The following FRMD3 variants were observed in gnomAD, a reference collection of about 807,000 sequenced individuals.
FRMD3 encodes FERM domain-containing protein 3.
A neutral mutation model predicts 70.2 loss-of-function variants in FRMD3; 33 were observed. The observed-to-expected ratio is 0.47, with a 90% CI of 0.36 to 0.63. The LOEUF (loss-of-function observed/expected upper bound fraction) is 0.63, where lower values mean the gene tolerates loss of function less well. Among genes scored for constraint, FRMD3 ranks in the 20% least tolerant of loss-of-function variants. The pLI is 0.00. For missense variants in FRMD3, 632 were observed against 711.4 expected (o/e 0.89, Z 1.27); for synonymous variants, 279 against 255.9 (o/e 1.09, Z -0.86).
intron 1 of FRMD3, among the ~76,000 whole-genome samples, chr9:83,471,912 T>C (rs1828278214): frequency 6.6e-6 from 1 of 152,186 alleles, no homozygotes; most frequent in Non-Finnish European, 1.5e-5. Context: ...ACTATGTAAC[T>C]TTGGGCAAGT....
rs1286011821 is a variant in FRMD3 at position 83,407,865 on chromosome 9, C to CA, written c.148-18158_148-18157insT. On this transcript the variant is annotated intron_variant, in intron 1 of 13. Transcript: ENST00000304195. Reference sequence around the variant, plus strand: ...TCTCTCTCTCTCTCTCTCTCTCTCTCTCTCTCTCATCTTTCTCTCTCTCTC... The same window carrying CA: ...TCTCTCTCTCTCTCTCTCTCTCTCTCATCTCTCTCATCTTTCTCTCTCTCTC... Among the ~76,000 whole-genome samples, 1,005 of 127,874 alleles carry CA rather than the reference C, an allele frequency of 7.9e-3. 18 individuals are homozygous for CA. Among genetic ancestry groups the CA allele is most frequent in the African/African-American group, 0.036 (927 of 25,472 alleles). 83.9% of individuals were successfully genotyped at this position (127,874 alleles called of 152,430 possible).
At chr9:83,329,665 C>T (rs2131120224) in intron 6 of FRMD3, among the ~76,000 whole-genome samples, 1 of 152,290 alleles carries the variant, frequency 6.6e-6, no homozygotes, top group East Asian at 1.9e-4. Flanking sequence ...GTCATTCTTG[C>T]TTCTAGCACA....
intron 13 of FRMD3, among the ~76,000 whole-genome samples, chr9:83,273,196 G>C (rs1244772405): frequency 1.3e-5 from 2 of 152,240 alleles, no homozygotes; most frequent in African/African-American, 2.4e-5. Context: ...AGAAAAGGGG[G>C]AAATGTGGGG....
At chr9:83,451,101 A>G (rs1302322322) in intron 1 of FRMD3, among the ~76,000 whole-genome samples, 3 of 152,158 alleles carry the variant, frequency 2.0e-5, no homozygotes, top group African/African-American at 4.8e-5. Context: ...TTTTTTAGCC[A>G]AGTCAGTGGA....
chr9:83,308,585 T>A (rs1835229947), intron 10 of FRMD3, among the ~76,000 whole-genome samples: 2 of 152,132 alleles, frequency 1.3e-5, no homozygotes, highest in Admixed American at 1.3e-4. Flanking sequence ...ACTAGGTTCT[T>A]AGTTGCATCC....
intron 12 of FRMD3, among the ~76,000 whole-genome samples, chr9:83,294,125 G>A (rs1388542509): frequency 6.6e-6 from 1 of 152,200 alleles, no homozygotes; most frequent in East Asian, 1.9e-4. Flanking sequence ...GCCTTCAGGA[G>A]GTGATTAGGT....
chr9:83,350,821 T>C, intron 3 of FRMD3: 1 of 726,674 alleles, frequency 1.4e-6, no homozygotes, highest in Non-Finnish European at 1.7e-6. Flanking sequence ...ATGGGGATTC[T>C]ACAGGACTTC....
intron 6 of FRMD3, among the ~76,000 whole-genome samples, chr9:83,318,553 G>A (rs1251805269): frequency 6.6e-6 from 1 of 151,946 alleles, no homozygotes; most frequent in Non-Finnish European, 1.5e-5. Flanking sequence ...ACACTTAGCT[G>A]ATTCCATATA....
rs115335496 is a variant in FRMD3 at position 83,441,553 on chromosome 9, T to C, written c.148-51845A>G. On this transcript the variant is annotated intron_variant, in intron 1 of 13. Transcript: ENST00000304195. ...CACTGGACCCCAGCCAGAATGATCA[T>C]AATCCAAGAATCCAGGTCAACAGTC... 4.0e-3 allele frequency among the ~76,000 whole-genome samples: 605 copies of C among 152,290 alleles called. 4 individuals carry two copies. Among genetic ancestry groups the C allele is most frequent in the African/African-American group, 0.014 (574 of 41,554 alleles).
the FRMD3 span, among the ~76,000 whole-genome samples, chr9:83,561,400 A>T: frequency 6.6e-6 from 1 of 152,158 alleles, no homozygotes; most frequent in Non-Finnish European, 1.5e-5. Context: ...TTCATTCAAC[A>T]ATCATTTACA....
Position 83,248,397 on chromosome 9 carries a change from GTTC to G in FRMD3, c.1312_1314del (p.Glu438del). ...TACACTAGTTCAGAGATGGTTAAAGGTTCTTCTTTTATTTTATCTTCCTCTTCA... is the reference window on the plus strand; with the variant it reads ...TACACTAGTTCAGAGATGGTTAAAGGTTCTTTTATTTTATCTTCCTCTTCA... On this transcript the variant is annotated inframe_deletion, in exon 14 of 14. Transcript: ENST00000304195. 1 of 1,614,118 alleles carries G rather than the reference GTTC, an allele frequency of 6.2e-7. No individual in the cohort carries two copies. The highest frequency in any genetic ancestry group is 8.5e-7 in the Non-Finnish European group (1 of 1,180,020).
chr9:83,335,148 C>G (rs1428086241), intron 6 of FRMD3, among the ~76,000 whole-genome samples: 2 of 152,174 alleles, frequency 1.3e-5, no homozygotes, highest in Non-Finnish European at 2.9e-5. Context: ...GTCAATGCTT[C>G]CAGCTATGGC....
At chr9:83,584,516 G>C in the FRMD3 span, among the ~76,000 whole-genome samples, 4 of 152,036 alleles carry the variant, frequency 2.6e-5, no homozygotes, top group Admixed American at 2.0e-4. Flanking sequence ...TCCAGCGAAG[G>C]GGGTGTTGGT....
chr9:83,327,354 C>T (rs964783998), intron 6 of FRMD3, among the ~76,000 whole-genome samples: 6 of 152,236 alleles, frequency 3.9e-5, no homozygotes, highest in Non-Finnish European at 8.8e-5. Context: ...GCTCTCAAGA[C>T]TTGCCCTTCA....
At chr9:83,577,542 A>G in the FRMD3 span, among the ~76,000 whole-genome samples, 2 of 152,050 alleles carry the variant, frequency 1.3e-5, no homozygotes, top group Non-Finnish European at 2.9e-5. Context: ...CTCACCATAT[A>G]TACAAACACT....
chr9:83,542,163 AT>A (rs1830007192), upstream of FRMD3, among the ~76,000 whole-genome samples: 1 of 152,160 alleles, frequency 6.6e-6, no homozygotes, highest in Non-Finnish European at 1.5e-5. Context: ...AGAAGTGGCA[AT>A]GGGTGAGATT....
At chr9:83,257,040 T>G (rs145717097) in intron 13 of FRMD3, among the ~76,000 whole-genome samples, 1 of 152,180 alleles carries the variant, frequency 6.6e-6, no homozygotes, top group Non-Finnish European at 1.5e-5. Context: ...CAAAGGAATA[T>G]AAATCATTCT....
chr9:83,311,077 A>T (rs1243169070), intron 8 of FRMD3, among the ~76,000 whole-genome samples: 1 of 152,204 alleles, frequency 6.6e-6, no homozygotes, highest in Middle Eastern at 3.2e-3. Context: ...AAATAGAAAC[A>T]TGTGACCCAA....
chr9:83,543,793 G>A, the FRMD3 span, among the ~76,000 whole-genome samples: 1 of 152,220 alleles, frequency 6.6e-6, no homozygotes, highest in African/African-American at 2.4e-5. Context: ...GAAAGTGACT[G>A]CACTCCTTTC....
Sources: allele counts gnomAD v4.1 joint callset (sites outside exome capture counted in the v4.1 genomes callset), GRCh38; gene constraint gnomAD v4.1.1; transcripts MANE v1.5; gene names NCBI Gene and HGNC (gene_info 2026-07-23, HGNC 2026-07-21).